The following WNT5B variants were observed in gnomAD, a reference collection of about 807,000 sequenced individuals.
WNT5B encodes the protein Wnt family member 5B.
A neutral mutation model predicts 36.5 loss-of-function variants in WNT5B; 18 were observed. The ratio of observed to expected loss-of-function variants is 0.49; its 90% CI spans 0.34 to 0.73. The LOEUF (loss-of-function observed/expected upper bound fraction) is 0.73. Among genes scored for constraint, WNT5B ranks in the 30% least tolerant of loss-of-function variants. WNT5B has a pLI of 0.01. For missense variants in WNT5B, 424 were observed against 508.4 expected, an observed-to-expected ratio of 0.83 and a Z score of 1.60; for synonymous variants, 213 against 212.3, an observed-to-expected ratio of 1.00 and a Z score of -0.03.
At chr12:1,623,184 G>GTGTT (rs2094536251) in intron 1 of WNT5B, among the ~76,000 whole-genome samples, 1 of 53,492 alleles carries the variant, frequency 1.9e-5, no homozygotes, top group Non-Finnish European at 4.2e-5. Context: ...AGGGTTTTTT[G>GTGTT]TTGTTTTTTT....
chr12:1,645,701 C>G (rs2094583991), intron 4 of WNT5B, 93 bp from the exon 5 acceptor site: 3 of 1,228,116 alleles, frequency 2.4e-6, no homozygotes, highest in East Asian at 4.7e-5. Context: ...CTACCGGCCC[C>G]TCCTGTGTAC....
chr12:1,633,565 G>A lies in WNT5B; in HGVS notation c.328+660G>A, dbSNP rs543149961. On this transcript the variant is annotated intron_variant, in intron 3 of 4. Transcript: ENST00000397196. This position sits in a 1 kb window ranked among gnomAD's most constrained non-coding sequence, Gnocchi z 4.8. ...GATTCTTGGGCCACCCTATTGCTTA[G>A]ATGGAGGTGTGATCTGAGGTCTAAT... 5.9e-5 allele frequency among the ~76,000 whole-genome samples: 9 copies of A among 152,286 alleles called. No individual in the cohort carries two copies. The highest frequency in any genetic ancestry group is 1.9e-4 in the African/African-American group (8 of 41,544).
intron 1 of WNT5B, among the ~76,000 whole-genome samples, chr12:1,623,192 T>G (rs916298240): frequency 7.4e-5 from 8 of 107,660 alleles, no homozygotes; most frequent in African/African-American, 1.2e-4. Context: ...TTGTTGTTTT[T>G]TTTTTTTTTT....
intron 1 of WNT5B, among the ~76,000 whole-genome samples, chr12:1,623,187 G>GTTGTTTTTT (rs1555156806): frequency 3.4e-4 from 20 of 58,366 alleles, no homozygotes; most frequent in African/African-American, 1.4e-3. Flanking sequence ...GTTTTTTGTT[G>GTTGTTTTTT]TTTTTTTTTT....
intron 1 of WNT5B, among the ~76,000 whole-genome samples, chr12:1,621,509 T>C (rs2094533762): frequency 6.6e-6 from 1 of 152,180 alleles, no homozygotes; most frequent in Admixed American, 6.5e-5. Context: ...GGGTAATTGA[T>C]GCTGAATTAT....
chr12:1,643,707 CT>C (rs1239723482), intron 4 of WNT5B, among the ~76,000 whole-genome samples: 1 of 39,770 alleles, frequency 2.5e-5, no homozygotes, highest in African/African-American at 9.0e-5. Flanking sequence ...TTTTTTTTTG[CT>C]TTTTGAATTA....
At chr12:1,617,418 T>C (rs547087927) in intron 1 of WNT5B, among the ~76,000 whole-genome samples, 1 of 152,076 alleles carries the variant, frequency 6.6e-6, no homozygotes, top group African/African-American at 2.4e-5. Flanking sequence ...GTGGATTGCT[T>C]GAGCCCAGGA....
At chr12:1,627,253 G>C (rs898702110), upstream of WNT5B, among the ~76,000 whole-genome samples, 2 of 152,228 alleles carry the variant, frequency 1.3e-5, no homozygotes, top group Non-Finnish European at 2.9e-5. This position sits in a 1 kb window ranked among gnomAD's most constrained non-coding sequence, Gnocchi z 5.0. Flanking sequence ...ACCTAGGCTC[G>C]TGGCTATTTC....
At chr12:1,635,439 A>G (rs1261593580) in intron 3 of WNT5B, among the ~76,000 whole-genome samples, 2 of 152,246 alleles carry the variant, frequency 1.3e-5, no homozygotes, top group Non-Finnish European at 2.9e-5. Flanking sequence ...TGGGAAAGGG[A>G]TTATAGCAGA....
At chr12:1,634,847 G>A (rs552981261) in intron 3 of WNT5B, among the ~76,000 whole-genome samples, 2 of 152,332 alleles carry the variant, frequency 1.3e-5, no homozygotes, top group South Asian at 4.1e-4. Context: ...TAGGGAGTTT[G>A]GAGGCAACTT....
Position 1,631,225 on chromosome 12 carries a change from G to A in WNT5B, c.-57-73G>A, listed in dbSNP as rs142647858. 1.5e-3 allele frequency: 2,108 copies of A among 1,407,252 alleles called. 9 individuals are homozygous for A. Among genetic ancestry groups the A allele is most frequent in the Middle Eastern group, 8.0e-3 (43 of 5,372 alleles). 87.2% of individuals were successfully genotyped at this position (1,407,252 alleles called of 1,614,324 possible). On this transcript the variant is annotated intron_variant, in intron 1 of 4. Transcript: ENST00000397196. ...CGTAAGCATCAGTGCAACTTTCTCC[G>A]CCTCACCCCGGCTCCTGGTCTGCCC... is the stretch of plus-strand genomic sequence containing the variant.
intron 1 of WNT5B, among the ~76,000 whole-genome samples, chr12:1,620,544 GT>G (rs111366537): frequency 0.028 from 4,090 of 143,704 alleles, 145 homozygotes; most frequent in African/African-American, 0.088. Flanking sequence ...TTTTGTTGTT[GT>G]TTTTTTTTTT....
chr12:1,639,682 A>G lies in WNT5B; in HGVS notation c.329-2A>G. 2 of 1,544,226 alleles carry G rather than the reference A, an allele frequency of 1.3e-6. No individual in the cohort carries two copies. The highest frequency in any genetic ancestry group is 1.7e-6 in the Non-Finnish European group (2 of 1,154,250). ...GCTTACCGCCCTGGCCTCATTCTGC[A>G]GGCAGCCGAGAGACCGCCTTCACCC... On this transcript the variant is annotated splice_acceptor_variant, in intron 3 of 4. Coordinates refer to ENST00000397196, the MANE Select transcript of WNT5B (RefSeq NM_032642.3). LOFTEE classifies it high-confidence loss of function.
intron 3 of WNT5B, 88 bp from the exon 4 acceptor site, chr12:1,639,596 G>A (rs921399235): frequency 2.5e-5 from 35 of 1,388,798 alleles, no homozygotes; most frequent in Middle Eastern, 2.1e-4. Context: ...GAGCCGTGGC[G>A]TGCGGGTCCG....
rs534896145 is a variant in WNT5B, at chr12:1,641,156, A to G, written c.621+1180A>G. ...TCCCAGCGCTTTGGGAGGCCAAGGCAGGTGGATCACTTGAGGCCAGGAGTT... is the reference window on the plus strand; with the variant it reads ...TCCCAGCGCTTTGGGAGGCCAAGGCGGGTGGATCACTTGAGGCCAGGAGTT... On this transcript the variant is annotated intron_variant, in intron 4 of 4. Coordinates refer to ENST00000397196, the MANE Select transcript of WNT5B (RefSeq NM_032642.3). Among the ~76,000 whole-genome samples, 35 of 152,270 alleles carry G rather than the reference A, an allele frequency of 2.3e-4. No homozygotes were observed. The East Asian group carries it at 5.2e-3, about 23-fold the overall frequency.
chr12:1,625,540 C>G (rs2094539806), upstream of WNT5B, among the ~76,000 whole-genome samples: 1 of 152,226 alleles, frequency 6.6e-6, no homozygotes. Context: ...TGAGGCCCCT[C>G]CTTCAACAGC....
At chr12:1,622,026 T>C (rs1432475515) in intron 1 of WNT5B, among the ~76,000 whole-genome samples, 1 of 152,124 alleles carries the variant, frequency 6.6e-6, no homozygotes, top group African/African-American at 2.4e-5. Flanking sequence ...TTCCTCCTGT[T>C]AAAAGCCCTC....
In WNT5B at chr12:1,639,668, TGGC is replaced by T; in HGVS notation, c.329-15_329-13del. ...AGGAGAGCGCACCCGCTTACCGCCC[TGGC>T]CTCATTCTGCAGGCAGCCGAGAGAC... On this transcript the variant is annotated splice_polypyrimidine_tract_variant and intron_variant, in intron 3 of 4. Coordinates refer to ENST00000397196, the MANE Select transcript of WNT5B (RefSeq NM_032642.3). 6.6e-7 allele frequency: 1 copy of T among 1,514,830 alleles called. No homozygotes were observed. The allele number at this position is 1,514,830 out of a possible 1,614,324, so 93.8% of individuals were successfully genotyped here. A position where few individuals can be genotyped will look rare whatever the true frequency, so the allele number is the denominator to read the frequency against.
At chr12:1,631,118 C>CA (rs1179791961) in intron 1 of WNT5B, 180 bp from the exon 2 acceptor site, 5 of 440,010 alleles carry the variant, frequency 1.1e-5, no homozygotes, top group Non-Finnish European at 1.6e-5. Flanking sequence ...GGGTAAGAGA[C>CA]AGAAGTCCTA....
Sources: allele counts gnomAD v4.1 joint callset (sites outside exome capture counted in the v4.1 genomes callset), GRCh38; gene constraint gnomAD v4.1.1; non-coding constraint Gnocchi (gnomAD v3.1); transcripts MANE v1.5; gene names NCBI Gene and HGNC (gene_info 2026-07-23, HGNC 2026-07-21).